Variants in NOX4 observed in about 807,000 individuals in gnomAD.
NOX4 encodes NADPH oxidase 4, also known as kidney oxidase-1.
A neutral mutation model predicts 87.6 loss-of-function variants in NOX4; 69 were observed. The ratio of observed to expected loss-of-function variants is 0.79; its 90% confidence interval spans 0.65 to 0.96. The LOEUF is 0.96. Ranked by LOEUF, NOX4 falls within the 40% of genes least tolerant of loss-of-function variation. The pLI, the probability that NOX4 is intolerant of heterozygous loss-of-function variation, is 0.00. For missense variants in NOX4, 680 were observed against 681.5 expected, an observed-to-expected ratio of 1.00 and a Z score of 0.02; for synonymous variants, 275 against 238.2, an observed-to-expected ratio of 1.15 and a Z score of -1.42.
chr11:89,426,719 G>T (rs1321670408), intron 7 of NOX4, among the ~76,000 whole-genome samples: 1 of 152,120 alleles, frequency 6.6e-6, no homozygotes, highest in Non-Finnish European at 1.5e-5. Context: ...AAACAAAGTG[G>T]CCTGGATGCT....
intron 11 of NOX4, among the ~76,000 whole-genome samples, chr11:89,378,736 C>T (rs753176287): frequency 2.6e-5 from 4 of 152,000 alleles, no homozygotes; most frequent in East Asian, 3.9e-4. Flanking sequence ...GGCAGCTCTT[C>T]GAGAATTTAT....
chr11:89,588,008 A>C, the NOX4 span, among the ~76,000 whole-genome samples: 1 of 152,146 alleles, frequency 6.6e-6, no homozygotes, highest in Non-Finnish European at 1.5e-5. Flanking sequence ...ATTATTTCTT[A>C]TAATCTATTC....
At position 89,462,523 on chromosome 11, in the gene NOX4, C is replaced by T. The variant is rs1017455274; in HGVS notation, c.154-10628G>A. 5.3e-5 allele frequency among the ~76,000 whole-genome samples: 8 copies of T among 151,874 alleles called. No homozygotes were observed. In the South Asian group the frequency reaches 6.2e-4, roughly 12 times the overall value. ...GTGTATAGATAGATAAACTGACCAA[C>T]GGAGCAAAACAAAGACCCATAAACA... On this transcript the variant is annotated intron_variant, in intron 2 of 17. Coordinates refer to ENST00000263317, the MANE Select transcript of NOX4 (RefSeq NM_016931.5).
intron 14 of NOX4, among the ~76,000 whole-genome samples, chr11:89,341,323 A>C: frequency 6.6e-6 from 1 of 151,966 alleles, no homozygotes; most frequent in East Asian, 1.9e-4. Flanking sequence ...GGGTTTCACC[A>C]TGTTGGCCAG....
chr11:89,490,366 AT>A, intron 2 of NOX4, 91 bp downstream of exon 2: 1 of 861,500 alleles, frequency 1.2e-6, no homozygotes, highest in Non-Finnish European at 1.9e-6. Context: ...AAGAGTGCAC[AT>A]TTCTTTAATG....
the NOX4 span, among the ~76,000 whole-genome samples, chr11:89,506,300 A>AG: frequency 7.0e-6 from 1 of 143,128 alleles, no homozygotes; most frequent in Non-Finnish European, 1.5e-5. Flanking sequence ...AGAAAGAAAG[A>AG]AAGAGAGAGA....
chr11:89,506,495 T>C, the NOX4 span, among the ~76,000 whole-genome samples: 2 of 151,708 alleles, frequency 1.3e-5, no homozygotes, highest in South Asian at 4.2e-4. Flanking sequence ...GAAATAAATA[T>C]AGGAGAAAAT....
upstream of NOX4, among the ~76,000 whole-genome samples, chr11:89,493,873 C>G (rs918880973): frequency 3.3e-5 from 5 of 152,010 alleles, no homozygotes; most frequent in East Asian, 9.7e-4. Context: ...CCTCAGCCTC[C>G]CAAGTAGAGT....
Position 89,325,885 on chromosome 11 carries a change from G to GTGTA in NOX4, c.*870_*871insTACA, listed in dbSNP as rs1285766288. 7.3e-6 allele frequency: 1 copy of GTGTA among 137,186 alleles called. No individual in the cohort carries two copies. The highest frequency in any genetic ancestry group is 2.1e-4 in the East Asian group (1 of 4,736). The allele number at this position is 137,186 out of a possible 1,614,324, so 8.5% of individuals were successfully genotyped here. On this transcript the variant is annotated 3_prime_UTR_variant, in exon 18 of 18. Coordinates refer to ENST00000263317, the MANE Select transcript of NOX4 (RefSeq NM_016931.5). ...AAAGGGAAAAGTTATTAGTATATGT[G>GTGTA]TATATATATATATATATATATATAT...
chr11:89,479,863 C>T (rs1410180339), intron 2 of NOX4, among the ~76,000 whole-genome samples: 5 of 152,082 alleles, frequency 3.3e-5, no homozygotes, highest in Non-Finnish European at 7.4e-5. Flanking sequence ...GGATGTAATT[C>T]TAGGAATCAC....
the NOX4 span, among the ~76,000 whole-genome samples, chr11:89,565,658 A>G: frequency 6.6e-6 from 1 of 152,114 alleles, no homozygotes; most frequent in Non-Finnish European, 1.5e-5. Flanking sequence ...TTGCACCAGC[A>G]TGGCACATGT....
At chr11:89,474,042 A>G (rs10765207) in intron 2 of NOX4, among the ~76,000 whole-genome samples, 17,115 of 152,064 alleles carry the variant, frequency 0.11, 1,171 homozygotes, top group South Asian at 0.21. Flanking sequence ...CAATTGGCCA[A>G]CATGCAGTGG....
chr11:89,408,390 G>A (rs1371756547), intron 8 of NOX4, among the ~76,000 whole-genome samples: 1 of 152,152 alleles, frequency 6.6e-6, no homozygotes, highest in African/African-American at 2.4e-5. Flanking sequence ...CAAATGGCAT[G>A]TAGTAACATG....
chr11:89,393,941 T>C (rs1411977506), intron 11 of NOX4, among the ~76,000 whole-genome samples: 1 of 152,176 alleles, frequency 6.6e-6, no homozygotes, highest in Admixed American at 6.6e-5. Context: ...TCCAGTTCCT[T>C]TTCTTCTGTC....
rs1318075829 is a variant in NOX4 at position 89,402,435 on chromosome 11, T to A, written c.737A>T (p.His246Leu). ...NISLPEYFSE[H>L]FHEPFPEGFS... Reference sequence around the variant, plus strand: ...TCCTTCAGGGAAAGGTTCATGAAAATGTTCTGAGAAATACTCTGGTAAGGA... The same window carrying A: ...TCCTTCAGGGAAAGGTTCATGAAAAAGTTCTGAGAAATACTCTGGTAAGGA... Residue 246 changes from histidine to leucine, a missense_variant, in exon 9 of 18, where the codon CAT becomes CTT. Coordinates refer to ENST00000263317, the MANE Select transcript of NOX4 (RefSeq NM_016931.5). 4 of 1,612,984 alleles carry A rather than the reference T, an allele frequency of 2.5e-6. No homozygotes were observed. The Admixed American group carries it at 6.7e-5, about 27-fold the overall frequency.
intron 12 of NOX4, among the ~76,000 whole-genome samples, chr11:89,367,999 C>T (rs1939136481): frequency 6.6e-6 from 1 of 152,024 alleles, no homozygotes; most frequent in African/African-American, 2.4e-5. Flanking sequence ...AAGTTTTCTT[C>T]CCAGAAACTT....
At chr11:89,486,299 A>T (rs112829684) in intron 2 of NOX4, among the ~76,000 whole-genome samples, 1 of 148,482 alleles carries the variant, frequency 6.7e-6, no homozygotes, top group Non-Finnish European at 1.5e-5. Flanking sequence ...AAATTTATTT[A>T]TTTAAATATT....
At chr11:89,576,427 C>T in the NOX4 span, among the ~76,000 whole-genome samples, 1 of 152,100 alleles carries the variant, frequency 6.6e-6, no homozygotes, top group African/African-American at 2.4e-5. Context: ...AATTGTATTT[C>T]TGTGTCTTTA....
chr11:89,333,985 G>A (rs938181527), intron 17 of NOX4, among the ~76,000 whole-genome samples: 3 of 151,518 alleles, frequency 2.0e-5, no homozygotes, highest in Non-Finnish European at 4.4e-5. Context: ...CACACAAATC[G>A]CTCTAAAACA....
Sources: gnomAD v4.1 joint callset for allele counts (sites outside exome capture counted in the v4.1 genomes callset) on GRCh38, gnomAD v4.1.1 for gene constraint, MANE v1.5 for transcripts, NCBI Gene and HGNC (gene_info 2026-07-23, HGNC 2026-07-21) for gene names.